Variants in SPATA24 observed in about 807,000 individuals in gnomAD.
SPATA24 encodes the protein spermatogenesis associated 24, also known as spermatogenesis-associated protein 24.
SPATA24 carries 21 observed loss-of-function variants against 28.9 expected under a neutral mutation model. The observed-to-expected ratio is 0.73, with a 90% CI of 0.52 to 1.05. The LOEUF (loss-of-function observed/expected upper bound fraction) is 1.05. Ranked by LOEUF, SPATA24 falls within the 50% of genes least tolerant of loss-of-function variation. The probability of loss-of-function intolerance (pLI) is 0.00; values close to 1 mark genes in which losing one functional copy is unlikely to be tolerated. For synonymous variants in SPATA24, 76 were observed against 89.9 expected (o/e 0.85, Z 0.88); for missense variants, 215 against 242.9 (o/e 0.88, Z 0.76).
intron 1 of SPATA24, 102 bp downstream of exon 1, chr5:139,403,842 A>G (rs1452745365): frequency 7.9e-6 from 8 of 1,007,958 alleles, no homozygotes; most frequent in Non-Finnish European, 1.2e-5. Context: ...GCCATGGGCC[A>G]TGCGTTCTAG....
At chr5:139,394,686 T>C, downstream of SPATA24, 1 of 1,533,954 alleles carries the variant, frequency 6.5e-7, no homozygotes, top group Non-Finnish European at 8.7e-7. Context: ...TGAACTGTTG[T>C]TGCGCCTCGC....
chr5:139,393,099 G>A (rs1429269150), downstream of SPATA24: 11 of 1,521,938 alleles, frequency 7.2e-6, no homozygotes, highest in African/African-American at 1.4e-5. Flanking sequence ...TCTTGGATTC[G>A]CCGCCCTCCT....
downstream of SPATA24, chr5:139,395,221 C>T: frequency 2.3e-6 from 2 of 858,062 alleles, no homozygotes; most frequent in Non-Finnish European, 3.2e-6. Flanking sequence ...CCAGCGGCGC[C>T]GGCAGCAGAA....
chr5:139,392,783 G>A, downstream of SPATA24: 1 of 1,450,476 alleles, frequency 6.9e-7, no homozygotes. This position sits in a 1 kb window ranked among gnomAD's most constrained non-coding sequence, Gnocchi z 5.8. Context: ...GGGACCAGGC[G>A]CTGGGCCTCT....
At chr5:139,396,230 C>G (rs922940066), downstream of SPATA24, 1 of 985,236 alleles carries the variant, frequency 1.0e-6, no homozygotes, top group Non-Finnish European at 1.2e-6. Flanking sequence ...TCGGTGATGG[C>G]TTCTGAAAAA....
chr5:139,396,197 C>T (rs1261578634), downstream of SPATA24: 1 of 985,274 alleles, frequency 1.0e-6, no homozygotes, highest in Non-Finnish European at 1.2e-6. Context: ...CTGGGTGTGT[C>T]CCCATGATCA....
chr5:139,402,359 C>T lies in SPATA24; in HGVS notation c.183+269G>A, dbSNP rs73255294. Among the ~76,000 whole-genome samples, 836 of 151,742 alleles carry T rather than the reference C, an allele frequency of 5.5e-3. 10 individuals carry two copies. The highest frequency in any genetic ancestry group is 0.02 in the African/African-American group (809 of 41,336). On this transcript the variant is annotated intron_variant, in intron 2 of 5. Transcript: ENST00000450845. ...CCTCCCAAGTAGCTGGGATTACAGG[C>T]GCCTGCCACCACGCATGCTTGGCTA...
downstream of SPATA24, chr5:139,393,744 T>G (rs1027798141): frequency 5.2e-6 from 8 of 1,551,276 alleles, no homozygotes; most frequent in Non-Finnish European, 7.0e-6. Context: ...TGCTGACAGT[T>G]TCCTCGACGG....
At chr5:139,393,308 T>G (rs931167385), downstream of SPATA24, 16 of 1,550,654 alleles carry the variant, frequency 1.0e-5, no homozygotes, top group Admixed American at 3.1e-4. Flanking sequence ...ACAGGGTGGC[T>G]GCCGGGCGGC....
intron 1 of SPATA24, 140 bp downstream of exon 1, chr5:139,403,804 C>G (rs564482564): frequency 2.9e-6 from 2 of 699,442 alleles, no homozygotes; most frequent in Non-Finnish European, 4.8e-6. Context: ...CCACCCCTAC[C>G]GACTGAGCCC....
At chr5:139,392,961 C>G, downstream of SPATA24, 1 of 1,505,938 alleles carries the variant, frequency 6.6e-7, no homozygotes, top group African/African-American at 1.4e-5. The surrounding 1 kb of genome is among the most constrained non-coding windows in gnomAD (Gnocchi z 5.8). Context: ...GTGAGGCGTC[C>G]CGGGCGACCG....
chr5:139,399,121 T>G (rs576181777), intron 4 of SPATA24, among the ~76,000 whole-genome samples: 4 of 150,730 alleles, frequency 2.7e-5, no homozygotes, highest in South Asian at 4.2e-4. Flanking sequence ...ATGGAGACCA[T>G]CCTGGCTAAC....
chr5:139,402,561 G>T, intron 2 of SPATA24, 67 bp downstream of exon 2: 1 of 1,419,368 alleles, frequency 7.0e-7, no homozygotes, highest in Non-Finnish European at 9.7e-7. Flanking sequence ...TACTTAATGA[G>T]CCTGCCTAAC....
downstream of SPATA24, among the ~76,000 whole-genome samples, chr5:139,396,026 G>A (rs1758698529): frequency 6.6e-6 from 1 of 152,172 alleles, no homozygotes; most frequent in Non-Finnish European, 1.5e-5. Context: ...TACAACTGTG[G>A]GCACCACTTG....
intron 4 of SPATA24, among the ~76,000 whole-genome samples, chr5:139,400,088 C>A (rs1290628102): frequency 1.3e-5 from 2 of 152,146 alleles, no homozygotes; most frequent in Non-Finnish European, 2.9e-5. Context: ...TGTCAGCCTG[C>A]CTGGCCAGAT....
downstream of SPATA24, chr5:139,396,689 A>T: frequency 2.6e-6 from 4 of 1,544,110 alleles, no homozygotes; most frequent in Non-Finnish European, 3.5e-6. Flanking sequence ...GTGGACCCCT[A>T]CCACTATCCA....
chr5:139,393,753 G>A (rs746121314), downstream of SPATA24: 2 of 1,551,354 alleles, frequency 1.3e-6, no homozygotes, highest in East Asian at 2.4e-5. Context: ...TTTCCTCGAC[G>A]GCAGGATTTT....
At chr5:139,393,180 C>T, downstream of SPATA24, 2 of 1,549,424 alleles carry the variant, frequency 1.3e-6, no homozygotes, top group South Asian at 2.4e-5. Context: ...CTGGCGCGTA[C>T]GTGGTCTTCA....
downstream of SPATA24, chr5:139,396,058 G>A (rs999105886): frequency 5.6e-6 from 3 of 535,648 alleles, no homozygotes; most frequent in Non-Finnish European, 7.2e-6. Context: ...CTGGCTTCAA[G>A]GTCCTGCTAT....
Sources: allele counts gnomAD v4.1 joint callset (sites outside exome capture counted in the v4.1 genomes callset), GRCh38; gene constraint gnomAD v4.1.1; non-coding constraint Gnocchi (gnomAD v3.1); transcripts MANE v1.5; gene names NCBI Gene and HGNC (gene_info 2026-07-23, HGNC 2026-07-21).